The following LRRC59 variants were observed in gnomAD, a reference collection of about 807,000 sequenced individuals.
LRRC59 encodes leucine rich repeat containing 59, also known as leucine-rich repeat-containing protein 59.
LRRC59 carries 18 observed loss-of-function variants against 33.5 expected under a neutral mutation model. The ratio of observed to expected loss-of-function variants is 0.54; its 90% CI spans 0.37 to 0.80. LRRC59 has a LOEUF of 0.80. Among genes scored for constraint, LRRC59 ranks in the 30% least tolerant of loss-of-function variants. The pLI is 0.00. For missense variants in LRRC59, 330 were observed against 391.9 expected (o/e 0.84, Z 1.33); for synonymous variants, 138 against 160.0 (o/e 0.86, Z 1.04).
At chr17:50,385,404 C>A in intron 5 of LRRC59, 113 bp from the exon 6 acceptor site, 1 of 1,140,676 alleles carries the variant, frequency 8.8e-7, no homozygotes, top group Non-Finnish European at 1.2e-6. Context: ...TGCCATGGTT[C>A]ACATAAGAAA....
chr17:50,393,021 C>T (rs1914185980), intron 2 of LRRC59, 124 bp from the exon 3 acceptor site: 8 of 881,956 alleles, frequency 9.1e-6, no homozygotes, highest in Non-Finnish European at 1.4e-5. Context: ...TTTCCTTTTT[C>T]AGCTCATCAG....
chr17:50,392,851 T>C lies in LRRC59; in HGVS notation c.212A>G (p.Lys71Arg). ...LTHLVKLDLS[K>R]NKLQQLPADF... ...TGCTGGCAGCTGCTGCAGCTTGTTC[T>C]TACTCAGGTCTAGCTTCACCAGGTG... The change falls in exon 3 of 7, where the codon AAG becomes AGG. Residue 71 changes from lysine (K) to arginine (R), a missense_variant. Transcript: ENST00000225972. 3 of 1,614,052 alleles carry C rather than the reference T, an allele frequency of 1.9e-6. No homozygotes were observed. The highest frequency in any genetic ancestry group is 1.1e-5 in the South Asian group (1 of 91,076).
chr17:50,391,578 AG>A (rs1169361118), intron 4 of LRRC59, among the ~76,000 whole-genome samples: 1 of 152,192 alleles, frequency 6.6e-6, no homozygotes, highest in Non-Finnish European at 1.5e-5. Context: ...TGTTCTTAAT[AG>A]GTAGGGTACG....
At chr17:50,395,597 T>C (rs1914253604) in intron 1 of LRRC59, among the ~76,000 whole-genome samples, 1 of 152,086 alleles carries the variant, frequency 6.6e-6, no homozygotes, top group African/African-American at 2.4e-5. Flanking sequence ...ATCGAGTAAG[T>C]AGCGGAGTGA....
intron 2 of LRRC59, 29 bp from the exon 3 acceptor site, chr17:50,392,926 G>C (rs1316199167): frequency 1.2e-6 from 2 of 1,601,966 alleles, no homozygotes; most frequent in Middle Eastern, 1.7e-4. Context: ...ACCTAAGCTA[G>C]GCTTGTCCAA....
rs143077743 is a variant in LRRC59, at chr17:50,388,081, G to A, written c.481C>T (p.Arg161Trp). Residue 161 changes from arginine (R) to tryptophan (W), a missense_variant, in exon 5 of 7, where the codon CGG (arginine) becomes TGG (tryptophan). Transcript: ENST00000225972. ...CTACCACGTTCTACTTCCAGCCGCCGCTGCCTCTCCCGCTCCTGATCTGCC... is the reference window on the plus strand; with the variant it reads ...CTACCACGTTCTACTTCCAGCCGCCACTGCCTCTCCCGCTCCTGATCTGCC... ...VQADQERERQ[R>W]RLEVEREAEK... The A allele has an allele frequency of 1.1e-4, 184 of 1,614,020 alleles. No individual in the cohort carries two copies. The highest frequency in any genetic ancestry group is 1.5e-4 in the Non-Finnish European group (177 of 1,180,036).
chr17:50,390,133 C>T (rs1224490155), intron 4 of LRRC59, among the ~76,000 whole-genome samples: 3 of 148,202 alleles, frequency 2.0e-5, no homozygotes, highest in African/African-American at 5.0e-5. Flanking sequence ...GGAAAGAAAT[C>T]AGGTCTGGAC....
At position 50,397,425 on chromosome 17, in the gene LRRC59, C is replaced by A; in HGVS notation, c.-108G>T. On this transcript the variant is annotated 5_prime_UTR_variant, in exon 1 of 7. Coordinates refer to ENST00000225972, the MANE Select transcript of LRRC59 (RefSeq NM_018509.4). ...CCCCACCCAAACGACGACGCCTGAG[C>A]CCTCCGTCGCCGCCGATGCGAGACC... 1 of 742,034 alleles carries A rather than the reference C, an allele frequency of 1.3e-6. No homozygotes were observed. Among genetic ancestry groups the A allele is most frequent in the Non-Finnish European group, 2.0e-6 (1 of 493,738 alleles). 46.0% of individuals were successfully genotyped at this position (742,034 alleles called of 1,614,324 possible).
In LRRC59 at chr17:50,381,820, T is replaced by C. The variant is rs12902; in HGVS notation, c.*1168A>G. 0.2 allele frequency: 30,428 copies of C among 152,656 alleles called. 3,384 individuals are homozygous for C. Among genetic ancestry groups the C allele is most frequent in the Middle Eastern group, 0.3 (89 of 294 alleles). The allele number at this position is 152,656 out of a possible 1,614,324, so 9.5% of individuals were successfully genotyped here. On this transcript the variant is annotated 3_prime_UTR_variant, in exon 7 of 7. Transcript: ENST00000225972. ...AGAGAATGGACAGTGTGATCCTTGT[T>C]TGTGCTAGCCATTGGGTGATGCACC...
At position 50,385,149 on chromosome 17, in the gene LRRC59, C is replaced by G; in HGVS notation, c.645G>C (p.Lys215Asn). The stretch of plus-strand genomic sequence containing the variant: ...CCTGATTTGCTTCCTTCTTAGGTTT[C>G]TTCTCCTGCTCCCGCTTGGCTGCTT... ...ALKAAKREQE[K>N]KPKKEANQAP... Residue 215 changes from lysine to asparagine, a missense_variant, in exon 6 of 7, where the codon AAG becomes AAC. Coordinates refer to ENST00000225972, the MANE Select transcript of LRRC59 (RefSeq NM_018509.4). The G allele has an allele frequency of 8.7e-6, 14 of 1,614,128 alleles. No individual in the cohort carries two copies. Among genetic ancestry groups the G allele is most frequent in the Non-Finnish European group, 1.2e-5 (14 of 1,180,022 alleles).
At chr17:50,387,067 G>A (rs763141797) in intron 5 of LRRC59, among the ~76,000 whole-genome samples, 2 of 151,994 alleles carry the variant, frequency 1.3e-5, no homozygotes, top group African/African-American at 2.4e-5. Flanking sequence ...GCAGTGAGCC[G>A]AGATCGTGCC....
chr17:50,397,145 T>A, intron 1 of LRRC59, 68 bp downstream of exon 1: 1 of 1,167,392 alleles, frequency 8.6e-7, no homozygotes, highest in Non-Finnish European at 1.2e-6. Context: ...AAGAGGAAAG[T>A]AAGTGGCCCA....
chr17:50,389,761 A>G (rs1004129060), intron 4 of LRRC59, among the ~76,000 whole-genome samples: 1 of 152,180 alleles, frequency 6.6e-6, no homozygotes, highest in African/African-American at 2.4e-5. Context: ...ACCCATCATA[A>G]GAAGTATTCA....
At chr17:50,388,282 T>C in intron 4 of LRRC59, 150 bp from the exon 5 acceptor site, 1 of 694,150 alleles carries the variant, frequency 1.4e-6, no homozygotes. Flanking sequence ...CTCACGCCTG[T>C]AACCCCAACA....
chr17:50,397,135 AAGAGG>A, intron 1 of LRRC59, 73 bp downstream of exon 1: 2 of 1,059,190 alleles, frequency 1.9e-6, no homozygotes, highest in Non-Finnish European at 2.7e-6. Context: ...GCTTTTAGAG[AAGAGG>A]AAAGTAAGTG....
chr17:50,383,260 A>G (rs1334422743), intron 6 of LRRC59, 25 bp from the exon 7 acceptor site: 1 of 1,547,480 alleles, frequency 6.5e-7, no homozygotes, highest in African/African-American at 1.4e-5. Context: ...ACAGTAGACA[A>G]AGCAAGTTCA....
At chr17:50,383,996 A>G (rs1035752392) in intron 6 of LRRC59, among the ~76,000 whole-genome samples, 149 of 145,364 alleles carry the variant, frequency 1.0e-3, no homozygotes, top group African/African-American at 3.6e-3. Flanking sequence ...GGTCAAGACA[A>G]GGGTGAGTAG....
rs759776208 is a variant in LRRC59, at chr17:50,392,801, G to C, written c.262C>G (p.Gln88Glu). 6.2e-7 allele frequency: 1 copy of C among 1,614,148 alleles called. No homozygotes were observed. Among genetic ancestry groups the C allele is most frequent in the Middle Eastern group, 1.6e-4 (1 of 6,062 alleles). ...TTGTTGTTGAGGAGATCCAGGTGCT[G>C]GAGGTTGACCAGACGGCCAAAGTCT... ...PADFGRLVNL[Q>E]HLDLLNNKLV... Residue 88 changes from glutamine (Q) to glutamate (E), a missense_variant, in exon 3 of 7, where the codon CAG becomes GAG. Physicochemically the swap from Gln to Glu is conservative, Grantham distance 29 (BLOSUM62 2). Transcript: ENST00000225972.
chr17:50,394,423 C>T (rs17715406), intron 2 of LRRC59, among the ~76,000 whole-genome samples: 3,137 of 152,280 alleles, frequency 0.021, 54 homozygotes, highest in Middle Eastern at 0.054. Context: ...GTGCTGACCA[C>T]ATTGAGCAAA....
Sources: gnomAD v4.1 joint callset for allele counts (sites outside exome capture counted in the v4.1 genomes callset) on GRCh38, gnomAD v4.1.1 for gene constraint, MANE v1.5 for transcripts, NCBI Gene and HGNC (gene_info 2026-07-23, HGNC 2026-07-21) for gene names.